The following ALDH1A1 variants were observed in gnomAD, a reference collection of about 807,000 sequenced individuals.
ALDH1A1 encodes aldehyde dehydrogenase 1A1.
In ALDH1A1, 19 loss-of-function variants were observed where a neutral mutation model predicts 62.1. The observed-to-expected ratio is 0.31, with a 90% CI of 0.21 to 0.45. The LOEUF is 0.45. Ranked by LOEUF, ALDH1A1 falls within the 20% of genes least tolerant of loss-of-function variation. The pLI, the probability that ALDH1A1 is intolerant of heterozygous loss-of-function variation, is 1.00. For missense variants in ALDH1A1, 521 were observed against 607.1 expected, an observed-to-expected ratio of 0.86 and a Z score of 1.49; for synonymous variants, 231 against 215.9, an observed-to-expected ratio of 1.07 and a Z score of -0.61.
chr9:72,920,304 G>T (rs1291698115), intron 7 of ALDH1A1, among the ~76,000 whole-genome samples: 2 of 152,184 alleles, frequency 1.3e-5, no homozygotes, highest in East Asian at 3.9e-4. Flanking sequence ...ATTAAAAGGA[G>T]ATTTGCACTA....
chr9:72,944,520 G>A (rs1830453007), intron 1 of ALDH1A1, among the ~76,000 whole-genome samples: 1 of 151,902 alleles, frequency 6.6e-6, no homozygotes, highest in Non-Finnish European at 1.5e-5. Flanking sequence ...TTGGGCATTT[G>A]CCTTCCAGCT....
At chr9:72,913,454 A>G (rs1424658125) in intron 9 of ALDH1A1, among the ~76,000 whole-genome samples, 7 of 152,198 alleles carry the variant, frequency 4.6e-5, no homozygotes, top group African/African-American at 1.7e-4. Flanking sequence ...CTGCCTGGGT[A>G]AGGTATTCTA....
At position 72,909,725 on chromosome 9, in the gene ALDH1A1, T is replaced by A; in HGVS notation, c.1235A>T (p.Lys412Ile). The A allele has an allele frequency of 6.2e-7, 1 of 1,613,572 alleles. No homozygotes were observed. The highest frequency in any genetic ancestry group is 8.5e-7 in the Non-Finnish European group (1 of 1,179,662). The change falls in exon 11 of 13, where the codon AAA (lysine) becomes ATA (isoleucine). Residue 412 changes from lysine (K) to isoleucine (I), a missense_variant. Lys to Ile is a moderately radical substitution (Grantham distance 102). Transcript: ENST00000297785. ...TCTTTTGATCACGTCATCTAAAGAT[T>A]TAAACTTCATGATTTGCTGCACTGG... is the stretch of plus-strand genomic sequence containing the variant. ...FGPVQQIMKF[K>I]SLDDVIKRAN...
chr9:72,922,540 C>T (rs951250225), intron 7 of ALDH1A1, among the ~76,000 whole-genome samples: 1 of 151,854 alleles, frequency 6.6e-6, no homozygotes, highest in Admixed American at 6.6e-5. Context: ...CCCTGGGCTA[C>T]ATGGGAAGAA....
chr9:72,930,832 A>G, intron 3 of ALDH1A1, 47 bp downstream of exon 3: 1 of 1,610,334 alleles, frequency 6.2e-7, no homozygotes, highest in South Asian at 1.1e-5. Flanking sequence ...CAAACGCTGA[A>G]TGCTTTTGAG....
intron 7 of ALDH1A1, among the ~76,000 whole-genome samples, chr9:72,921,522 A>ATTTT (rs59019273): frequency 5.7e-5 from 4 of 70,774 alleles, no homozygotes; most frequent in African/African-American, 1.6e-4. Context: ...TTTTTTTTTC[A>ATTTT]TTTTTTTTTT....
intron 12 of ALDH1A1, among the ~76,000 whole-genome samples, chr9:72,904,046 T>A (rs560229327): frequency 6.6e-6 from 1 of 152,188 alleles, no homozygotes; most frequent in African/African-American, 2.4e-5. Context: ...GATTTAATAT[T>A]CAGTATGTCA....
intron 2 of ALDH1A1, among the ~76,000 whole-genome samples, chr9:72,938,572 G>A (rs546250432): frequency 7.6e-4 from 115 of 151,650 alleles, no homozygotes; most frequent in Admixed American, 1.3e-3. Flanking sequence ...TCAGCCTCCC[G>A]AGTAGCTGAA....
At chr9:72,908,544 AAAAG>A (rs558696848) in intron 11 of ALDH1A1, among the ~76,000 whole-genome samples, 1 of 52,110 alleles carries the variant, frequency 1.9e-5, no homozygotes, top group African/African-American at 7.2e-5. Flanking sequence ...AGAAAGAAAG[AAAAG>A]AAAGAAGAAA....
intron 2 of ALDH1A1, among the ~76,000 whole-genome samples, chr9:72,932,667 C>T (rs1830297028): frequency 6.6e-6 from 1 of 152,130 alleles, no homozygotes; most frequent in Non-Finnish European, 1.5e-5. Context: ...ATATTTGCGG[C>T]ATTCAGTTAA....
chr9:72,946,205 C>G (rs758402399), intron 1 of ALDH1A1, among the ~76,000 whole-genome samples: 1 of 151,958 alleles, frequency 6.6e-6, no homozygotes, highest in Non-Finnish European at 1.5e-5. Flanking sequence ...TAGAATTGCT[C>G]GCATGTAAGC....
chr9:72,919,366 C>A (rs1490946048), intron 7 of ALDH1A1, among the ~76,000 whole-genome samples: 1 of 152,022 alleles, frequency 6.6e-6, no homozygotes, highest in Non-Finnish European at 1.5e-5. Context: ...GAATCTCATC[C>A]TTCTTCTCAT....
At chr9:72,916,669 A>G (rs1830068673) in intron 9 of ALDH1A1, among the ~76,000 whole-genome samples, 1 of 152,156 alleles carries the variant, frequency 6.6e-6, no homozygotes, top group Non-Finnish European at 1.5e-5. Flanking sequence ...AACATTTGTT[A>G]TTTTTCCTCA....
intron 7 of ALDH1A1, among the ~76,000 whole-genome samples, chr9:72,920,528 A>G (rs1345112094): frequency 6.6e-6 from 1 of 152,224 alleles, no homozygotes; most frequent in Non-Finnish European, 1.5e-5. Context: ...CCATTAAAGT[A>G]GATAACTTTT....
chr9:72,928,460 A>G (rs1830238678), intron 4 of ALDH1A1, among the ~76,000 whole-genome samples: 1 of 152,198 alleles, frequency 6.6e-6, no homozygotes, highest in Non-Finnish European at 1.5e-5. Flanking sequence ...GACCAGGCAC[A>G]GATGACCATA....
chr9:72,930,907 A>C lies in ALDH1A1; in HGVS notation c.284T>G (p.Leu95Ter). ...RGRLLYKLAD[L>*]IERDRLLLAT... ...CAGCAGCAGACGATCTCTTTCGATT[A>C]AATCAGCCAACTTGTATAATAGTCG... Residue 95 changes from leucine (L) to a stop codon, truncating the protein, a stop_gained, in exon 3 of 13, where the codon TTA becomes TGA. Coordinates refer to ENST00000297785, the MANE Select transcript of ALDH1A1 (RefSeq NM_000689.5). LOFTEE classifies it high-confidence loss of function. The C allele has an allele frequency of 6.2e-7, 1 of 1,614,042 alleles. No individual in the cohort carries two copies. The highest frequency in any genetic ancestry group is 8.5e-7 in the Non-Finnish European group (1 of 1,179,954).
At chr9:72,933,611 A>G (rs1830311441) in intron 2 of ALDH1A1, among the ~76,000 whole-genome samples, 1 of 90,066 alleles carries the variant, frequency 1.1e-5, no homozygotes, top group Non-Finnish European at 2.3e-5. Context: ...AAAAAAAAAA[A>G]AAGAAAAAGC....
chr9:72,935,054 T>A (rs1010502862), intron 2 of ALDH1A1, among the ~76,000 whole-genome samples: 1 of 152,220 alleles, frequency 6.6e-6, no homozygotes, highest in African/African-American at 2.4e-5. Context: ...CATGTTGTAC[T>A]GATTTTATAT....
intron 12 of ALDH1A1, among the ~76,000 whole-genome samples, chr9:72,905,561 T>C (rs899895290): frequency 6.6e-6 from 1 of 152,184 alleles, no homozygotes; most frequent in Admixed American, 6.5e-5. Context: ...CTTATTTAAA[T>C]GGTTTATTCA....
Sources: allele counts gnomAD v4.1 joint callset (sites outside exome capture counted in the v4.1 genomes callset), GRCh38; gene constraint gnomAD v4.1.1; transcripts MANE v1.5; gene names NCBI Gene and HGNC (gene_info 2026-07-23, HGNC 2026-07-21).